Variants in ADPRHL1 observed in about 807,000 individuals in gnomAD.
The protein encoded by ADPRHL1 is inactive ADP-ribosyltransferase ARH2.
In ADPRHL1, 43 loss-of-function variants were observed where a neutral mutation model predicts 44.1. The observed-to-expected ratio is 0.98, with a 90% confidence interval of 0.76 to 1.26. The LOEUF (loss-of-function observed/expected upper bound fraction) is 1.26. Among genes scored for constraint, ADPRHL1 ranks in the 50% most tolerant of loss-of-function variants. The probability of loss-of-function intolerance (pLI) is 0.00; values close to 1 mark genes in which losing one functional copy is unlikely to be tolerated. For missense variants in ADPRHL1, 2,022 were observed against 2,496.9 expected, an observed-to-expected ratio of 0.81 and a Z score of 4.05; for synonymous variants, 878 against 1,017.4, an observed-to-expected ratio of 0.86 and a Z score of 2.61.
intron 4 of ADPRHL1, among the ~76,000 whole-genome samples, chr13:113,425,533 G>A (rs543051989): frequency 8.6e-4 from 130 of 151,854 alleles, no homozygotes; most frequent in African/African-American, 3.0e-3. Context: ...CACCACACCC[G>A]GCTAATTTTT....
At chr13:113,440,730 C>G (rs1195131984) in intron 2 of ADPRHL1, among the ~76,000 whole-genome samples, 10 of 152,144 alleles carry the variant, frequency 6.6e-5, no homozygotes, top group Admixed American at 6.5e-4. Flanking sequence ...TCTGGGATCA[C>G]AGGTGTGAGC....
chr13:113,446,060 C>T (rs577046899), intron 1 of ADPRHL1, among the ~76,000 whole-genome samples: 213 of 135,410 alleles, frequency 1.6e-3, no homozygotes, highest in Non-Finnish European at 2.5e-3. Context: ...GTGCAGGGCC[C>T]GGCGGCTGCA....
In ADPRHL1 at chr13:113,406,029, C is replaced by T. The variant is rs1004824386; in HGVS notation, c.3253G>A (p.Glu1085Lys). 6.4e-5 allele frequency: 79 copies of T among 1,231,998 alleles called. No homozygotes were observed. The highest frequency in any genetic ancestry group is 7.7e-5 in the Non-Finnish European group (76 of 988,034). The allele number at this position is 1,231,998 out of a possible 1,614,324, so 76.3% of individuals were successfully genotyped here. A position where few individuals can be genotyped will look rare whatever the true frequency, so the allele number is the denominator to read the frequency against. ...CGAACATCATGGCTGGTGATTTCCT[C>T]GGCAGCCTTCAGGGGCTGAGAAGAC... is the stretch of plus-strand genomic sequence containing the variant. The part of the protein sequence containing the change: ...IESSQPLKAA[E>K]EITSHDVREN... Residue 1085 changes from glutamate (E) to lysine (K), a missense_variant, in exon 8 of 8, where the codon GAG becomes AAG. Physicochemically the swap from Glu to Lys is moderately conservative, Grantham distance 56 (BLOSUM62 1). This residue lies in a region of ADPRHL1 where 1,221 missense variants were observed against 1,517.8 expected (regional missense o/e 0.80). Transcript: ENST00000612156.
In ADPRHL1 at chr13:113,435,124, GGTGTA is replaced by G. The variant is rs1260005687; in HGVS notation, c.380-1262_380-1258del. On this transcript the variant is annotated intron_variant, in intron 2 of 7. Transcript: ENST00000612156. The stretch of plus-strand genomic sequence containing the variant: ...AGCACCCAGGTGTAGAGTGAACATA[GGTGTA>G]CCCCAGGACCCGGCACCCACGCATA... Among the ~76,000 whole-genome samples, 95 of 132,310 alleles carry G rather than the reference GGTGTA, an allele frequency of 7.2e-4. 1 individual carries two copies. The highest frequency in any genetic ancestry group is 2.2e-3 in the Admixed American group (29 of 13,088). The allele number at this position is 132,310 out of a possible 152,430, so 86.8% of individuals were successfully genotyped here. A position where few individuals can be genotyped will look rare whatever the true frequency, so the allele number is the denominator to read the frequency against.
intron 3 of ADPRHL1, among the ~76,000 whole-genome samples, chr13:113,431,744 C>A (rs949255614): frequency 1.3e-5 from 2 of 151,970 alleles, no homozygotes; most frequent in Admixed American, 6.5e-5. Context: ...GAGATGGAGT[C>A]TGACTCTGTC....
intron 1 of ADPRHL1, among the ~76,000 whole-genome samples, chr13:113,446,118 T>G (rs1448935919): frequency 2.8e-5 from 4 of 141,814 alleles, no homozygotes; most frequent in Non-Finnish European, 4.6e-5. Flanking sequence ...GCCCCACAGC[T>G]GCAGGCCCCC....
In ADPRHL1 at chr13:113,428,993, A is replaced by G. The variant is rs1380149570; in HGVS notation, c.605T>C (p.Leu202Pro). 1 of 1,612,722 alleles carries G rather than the reference A, an allele frequency of 6.2e-7. No homozygotes were observed. The highest frequency in any genetic ancestry group is 8.5e-7 in the Non-Finnish European group (1 of 1,180,012). The change falls in exon 4 of 8, where the codon CTG becomes CCG. Residue 202 changes from leucine to proline, a missense_variant. Transcript: ENST00000612156. Reference sequence around the variant, plus strand: ...GGTCTTCCTGCAGTACTCTTCTGCCAGAGGCACCGCCCGCAGCATGTCTCT... The same window carrying G: ...GGTCTTCCTGCAGTACTCTTCTGCCGGAGGCACCGCCCGCAGCATGTCTCT... ...WGRDMLRAVPLAEEYCRKTIR... is the reference protein window; with the variant it reads ...WGRDMLRAVPPAEEYCRKTIR...
At chr13:113,433,986 G>C in intron 2 of ADPRHL1, 119 bp from the exon 3 acceptor site, 3 of 1,390,026 alleles carry the variant, frequency 2.2e-6, no homozygotes, top group Admixed American at 2.8e-5. Context: ...TGTTATCAGA[G>C]TGTGGTTTAA....
At chr13:113,419,724 G>A (rs1244327547) in intron 7 of ADPRHL1, among the ~76,000 whole-genome samples, 1 of 152,296 alleles carries the variant, frequency 6.6e-6, no homozygotes, top group East Asian at 1.9e-4. Flanking sequence ...ATACTAGGCA[G>A]CAGTTAAAAA....
rs1008433495 is a variant in ADPRHL1 at position 113,422,964 on chromosome 13, G to A, written c.923C>T (p.Thr308Met). The A allele has an allele frequency of 3.7e-6, 6 of 1,612,710 alleles. No homozygotes were observed. The highest frequency in any genetic ancestry group is 1.6e-4 in the Middle Eastern group (1 of 6,084). The change falls in exon 7 of 8, where the codon ACG becomes ATG. Residue 308 changes from threonine to methionine, a missense_variant. By Grantham distance (81) the Thr-to-Met change is moderately conservative. This residue lies in a region of ADPRHL1 where 437 missense variants were observed against 430.7 expected (regional missense o/e 1.01). Transcript: ENST00000612156. Reference sequence around the variant, plus strand: ...GAACAGGCAGCCTGCAATGGTGCCCGTGGCCGCGCTCTCCCCTGAAACGCA... The same window carrying A: ...GAACAGGCAGCCTGCAATGGTGCCCATGGCCGCGCTCTCCCCTGAAACGCA... ...AMFHGGESAA[T>M]GTIAGCLFGL...
rs1332573884 is a variant in ADPRHL1, at chr13:113,403,561, T to G, written c.5721A>C (p.Pro1907=). 8 of 1,231,616 alleles carry G rather than the reference T, an allele frequency of 6.5e-6. No homozygotes were observed. In the African/African-American group the frequency reaches 1.1e-4, roughly 17 times the overall value. The allele number at this position is 1,231,616 out of a possible 1,614,324, so 76.3% of individuals were successfully genotyped here. The change falls in exon 8 of 8, where the codon CCA becomes CCC. Residue 1907 remains proline, a synonymous_variant. Coordinates refer to ENST00000612156, the MANE Select transcript of ADPRHL1 (RefSeq NM_001394807.1). ...GGGCCCTCTCAGCCCCAGGGTGGTCTGGGGACCCCTCCTGGGCCGGGGCCT... is the reference window on the plus strand; with the variant it reads ...GGGCCCTCTCAGCCCCAGGGTGGTCGGGGGACCCCTCCTGGGCCGGGGCCT... ...TPQAPAQEGS[P]DHPGAERALQ...
At chr13:113,444,712 T>G in intron 1 of ADPRHL1, 123 bp from the exon 2 acceptor site, 1 of 1,221,718 alleles carries the variant, frequency 8.2e-7, no homozygotes, top group Non-Finnish European at 1.1e-6. Flanking sequence ...AAACTCTGCC[T>G]CCCGGGTTCA....
At chr13:113,423,038 C>A in intron 6 of ADPRHL1, 59 bp from the exon 7 acceptor site, 1 of 1,603,402 alleles carries the variant, frequency 6.2e-7, no homozygotes, top group South Asian at 1.1e-5. Flanking sequence ...TCTGCAAGAC[C>A]CCTGGGGCTG....
At chr13:113,433,020 G>A (rs1466326646) in intron 3 of ADPRHL1, among the ~76,000 whole-genome samples, 2 of 152,206 alleles carry the variant, frequency 1.3e-5, no homozygotes, top group South Asian at 2.1e-4. Context: ...GGCTGCGGAC[G>A]GGGACAAATC....
rs111591263 is a variant in ADPRHL1, at chr13:113,448,458, T to C, written c.215-3869A>G. On this transcript the variant is annotated intron_variant, in intron 1 of 7. Coordinates refer to ENST00000612156, the MANE Select transcript of ADPRHL1 (RefSeq NM_001394807.1). Reference sequence around the variant, plus strand: ...TCCAGCCCGGGCAAAAGAGTGAGACTATGTCCCAAAAAAAAAAAAAAAAAA... The same window carrying C: ...TCCAGCCCGGGCAAAAGAGTGAGACCATGTCCCAAAAAAAAAAAAAAAAAA... Among the ~76,000 whole-genome samples, 242 of 81,212 alleles carry C rather than the reference T, an allele frequency of 3.0e-3. 1 individual carries two copies. The highest frequency in any genetic ancestry group is 0.018 in the African/African-American group (232 of 12,702). 53.3% of individuals were successfully genotyped at this position (81,212 alleles called of 152,430 possible). A position where few individuals can be genotyped will look rare whatever the true frequency, so the allele number is the denominator to read the frequency against.
chr13:113,426,879 C>T (rs2043972227), intron 4 of ADPRHL1, among the ~76,000 whole-genome samples: 1 of 152,190 alleles, frequency 6.6e-6, no homozygotes, highest in South Asian at 2.1e-4. Context: ...TGTGAACTGT[C>T]CTCACTGCAG....
intron 7 of ADPRHL1, chr13:113,410,087 A>G: frequency 1.0e-6 from 1 of 985,394 alleles, no homozygotes; most frequent in Non-Finnish European, 1.2e-6. Flanking sequence ...GGCTGACCAC[A>G]TGACCACGTA....
chr13:113,405,588 T>A lies in ADPRHL1; in HGVS notation c.3694A>T (p.Thr1232Ser). 1 of 1,232,260 alleles carries A rather than the reference T, an allele frequency of 8.1e-7. No individual in the cohort carries two copies. Among genetic ancestry groups the A allele is most frequent in the Non-Finnish European group, 1.0e-6 (1 of 988,356 alleles). 76.3% of individuals were successfully genotyped at this position (1,232,260 alleles called of 1,614,324 possible). A position where few individuals can be genotyped will look rare whatever the true frequency, so the allele number is the denominator to read the frequency against. The change falls in exon 8 of 8, where the codon ACA becomes TCA. Residue 1232 changes from threonine (T) to serine (S), a missense_variant. Physicochemically the swap from Thr to Ser is moderately conservative, Grantham distance 58 (BLOSUM62 1). Coordinates refer to ENST00000612156, the MANE Select transcript of ADPRHL1 (RefSeq NM_001394807.1). ...PEAARLYISN[T>S]SAASRHTAAV... Reference sequence around the variant, plus strand: ...GCTGTATGTCTGCTGGCTGCTGATGTGTTTGAAATGTATAATCGGGCCGCC... The same window carrying A: ...GCTGTATGTCTGCTGGCTGCTGATGAGTTTGAAATGTATAATCGGGCCGCC...
intron 6 of ADPRHL1, among the ~76,000 whole-genome samples, chr13:113,423,749 G>A (rs930179613): frequency 6.6e-6 from 1 of 152,256 alleles, no homozygotes; most frequent in Admixed American, 6.5e-5. Flanking sequence ...CAGGATGCGA[G>A]CCCAGGACCT....
Sources: allele counts gnomAD v4.1 joint callset (sites outside exome capture counted in the v4.1 genomes callset), GRCh38; gene constraint gnomAD v4.1.1; regional missense constraint gnomAD v4.1.1; transcripts MANE v1.5; gene names NCBI Gene and HGNC (gene_info 2026-07-23, HGNC 2026-07-21).